Variants in GRIN2B observed in about 807,000 individuals in gnomAD.
The protein encoded by GRIN2B is glutamate receptor ionotropic, NMDA 2B.
In GRIN2B, 5 loss-of-function variants were observed where a neutral mutation model predicts 114.5. That is an observed-to-expected ratio of 0.04 (90% CI 0.02 to 0.09). GRIN2B has a LOEUF of 0.09. Ranked by LOEUF, GRIN2B falls within the 10% of genes least tolerant of loss-of-function variation. GRIN2B has a pLI of 1.00. For synonymous variants in GRIN2B, 787 were observed against 745.1 expected (o/e 1.06, Z -0.92); for missense variants, 1,108 against 1,943.5 (o/e 0.57, Z 8.08).
At chr12:13,829,735 C>T (rs553494605) in intron 3 of GRIN2B, among the ~76,000 whole-genome samples, 1 of 152,176 alleles carries the variant, frequency 6.6e-6, no homozygotes, top group Non-Finnish European at 1.5e-5. Flanking sequence ...GTTCAGAAAA[C>T]CTTTCTTTTC....
At chr12:13,684,742 A>T (rs1024200194) in intron 4 of GRIN2B, among the ~76,000 whole-genome samples, 1 of 152,232 alleles carries the variant, frequency 6.6e-6, no homozygotes. Context: ...GGTGTTCAGT[A>T]TGTTGGAATG....
chr12:13,724,258 A>G (rs183600680), intron 4 of GRIN2B, among the ~76,000 whole-genome samples: 1 of 152,254 alleles, frequency 6.6e-6, no homozygotes. Flanking sequence ...CAGTCCCTAG[A>G]AGGGATGAAT....
intron 2 of GRIN2B, among the ~76,000 whole-genome samples, chr12:13,867,727 A>G (rs928979818): frequency 2.0e-5 from 3 of 152,184 alleles, no homozygotes; most frequent in Non-Finnish European, 4.4e-5. Flanking sequence ...TCCAAGGTCA[A>G]TGGCATTATA....
intron 5 of GRIN2B, among the ~76,000 whole-genome samples, chr12:13,648,151 A>G (rs1949780187): frequency 6.6e-6 from 1 of 152,066 alleles, no homozygotes; most frequent in African/African-American, 2.4e-5. Context: ...ATTACATGAG[A>G]GCACATACGG....
intron 12 of GRIN2B, 122 bp from the exon 13 acceptor site, chr12:13,567,385 GAGACAAAA>G: frequency 1.4e-6 from 1 of 690,446 alleles, no homozygotes; most frequent in South Asian, 1.7e-5. Context: ...AAGAGACAAG[GAGACAAAA>G]AGAAAGGAAA....
chr12:13,765,837 G>T (rs73300392), intron 3 of GRIN2B, among the ~76,000 whole-genome samples: 3,740 of 151,962 alleles, frequency 0.025, 130 homozygotes, highest in African/African-American at 0.085. Context: ...CTGGCTCAGG[G>T]TGCACCCACC....
At position 13,670,043 on chromosome 12, in the gene GRIN2B, G is replaced by T. The variant is rs563655860; in HGVS notation, c.1125+5702C>A. On this transcript the variant is annotated intron_variant, in intron 5 of 13. Coordinates refer to ENST00000609686, the MANE Select transcript of GRIN2B (RefSeq NM_000834.5). ...TTTCATTGCTTCAGCTCTTGTGGGG[G>T]TCTCCCTTTTCTCGGTTTGGTTGCA... 3.3e-5 allele frequency among the ~76,000 whole-genome samples: 5 copies of T among 152,066 alleles called. 1 individual carries two copies. The highest frequency in any genetic ancestry group is 1.2e-4 in the African/African-American group (5 of 41,506).
At chr12:13,607,416 AATATATAT>A in intron 10 of GRIN2B, among the ~76,000 whole-genome samples, 1 of 74,804 alleles carries the variant, frequency 1.3e-5, no homozygotes, top group East Asian at 3.6e-4. Context: ...TAAAATATAT[AATATATAT>A]TATATATAAT....
At chr12:13,703,691 G>A (rs1950332391) in intron 4 of GRIN2B, among the ~76,000 whole-genome samples, 1 of 152,128 alleles carries the variant, frequency 6.6e-6, no homozygotes, top group Non-Finnish European at 1.5e-5. Context: ...AATTTAGGAT[G>A]TTTTCAATTC....
intron 2 of GRIN2B, among the ~76,000 whole-genome samples, chr12:13,882,871 TA>T (rs953641565): frequency 1.3e-5 from 2 of 152,200 alleles, no homozygotes; most frequent in Non-Finnish European, 2.9e-5. Flanking sequence ...AACCAAGATA[TA>T]AAATATTTCC....
chr12:13,808,581 C>T (rs371514879), intron 3 of GRIN2B, among the ~76,000 whole-genome samples: 3 of 151,318 alleles, frequency 2.0e-5, no homozygotes, highest in African/African-American at 7.3e-5. Flanking sequence ...ACATCACACA[C>T]CAGGGCCTGT....
At chr12:13,915,113 C>G (rs974535286) in intron 2 of GRIN2B, among the ~76,000 whole-genome samples, 6 of 152,180 alleles carry the variant, frequency 3.9e-5, no homozygotes, top group African/African-American at 1.4e-4. Context: ...ATCCCACTTA[C>G]TCGGATTTTA....
chr12:13,654,491 C>T (rs2136520312), intron 5 of GRIN2B, among the ~76,000 whole-genome samples: 1 of 152,302 alleles, frequency 6.6e-6, no homozygotes, highest in South Asian at 2.1e-4. Flanking sequence ...CTCTGATGGT[C>T]TCTGCTTAAA....
At chr12:13,870,115 G>A (rs544493474) in intron 2 of GRIN2B, among the ~76,000 whole-genome samples, 7 of 152,262 alleles carry the variant, frequency 4.6e-5, no homozygotes, top group South Asian at 2.1e-4. Flanking sequence ...AAGAGGAACC[G>A]CGCATGGGGC....
In GRIN2B at chr12:13,541,670, GA is replaced by G. The variant is rs1361887293; in HGVS notation, c.*21112del. 1.3e-5 allele frequency: 2 copies of G among 152,244 alleles called. No homozygotes were observed. The highest frequency in any genetic ancestry group is 3.8e-4 in the East Asian group (2 of 5,198). 9.4% of individuals were successfully genotyped at this position (152,244 alleles called of 1,614,324 possible). On this transcript the variant is annotated 3_prime_UTR_variant, in exon 14 of 14. Coordinates refer to ENST00000609686, the MANE Select transcript of GRIN2B (RefSeq NM_000834.5). ...TCTTTTGGGGGAAAACGGCTGGCAGGATATGACCATGCTGAAGGGTTTGCCT... is the reference window on the plus strand; with the variant it reads ...TCTTTTGGGGGAAAACGGCTGGCAGGTATGACCATGCTGAAGGGTTTGCCT...
intron 2 of GRIN2B, among the ~76,000 whole-genome samples, chr12:13,969,988 G>A (rs1867848685): frequency 6.6e-6 from 1 of 152,198 alleles, no homozygotes; most frequent in Non-Finnish European, 1.5e-5. Context: ...GAGTAGCTGG[G>A]ATTATAGGCA....
chr12:13,748,103 A>G (rs1565522755), intron 4 of GRIN2B, among the ~76,000 whole-genome samples: 1 of 152,240 alleles, frequency 6.6e-6, no homozygotes, highest in African/African-American at 2.4e-5. Flanking sequence ...AGGACGATCC[A>G]GCCTTTTAAG....
At chr12:13,589,362 G>A (rs764658856) in intron 10 of GRIN2B, among the ~76,000 whole-genome samples, 8 of 152,184 alleles carry the variant, frequency 5.3e-5, no homozygotes, top group Non-Finnish European at 1.2e-4. Context: ...GTGATTGAGG[G>A]TGGCAGTTTC....
At chr12:13,951,309 C>T (rs1489285214) in intron 2 of GRIN2B, among the ~76,000 whole-genome samples, 1 of 152,030 alleles carries the variant, frequency 6.6e-6, no homozygotes, top group Non-Finnish European at 1.5e-5. Context: ...GAAATAGAAA[C>T]ACTGAAAAAA....
Sources: allele counts gnomAD v4.1 joint callset (sites outside exome capture counted in the v4.1 genomes callset), GRCh38; gene constraint gnomAD v4.1.1; transcripts MANE v1.5; gene names NCBI Gene and HGNC (gene_info 2026-07-23, HGNC 2026-07-21).